Variants in BTBD9 observed in about 807,000 individuals in gnomAD.
The protein encoded by BTBD9 is BTB/POZ domain-containing protein 9.
In BTBD9, 49 loss-of-function variants were observed where a neutral mutation model predicts 64.3. The observed-to-expected ratio is 0.76, with a 90% CI of 0.61 to 0.97. The LOEUF (loss-of-function observed/expected upper bound fraction) is 0.97, where lower values mean the gene tolerates loss of function less well. BTBD9 is among the 50% of genes least tolerant of loss of function. BTBD9 has a pLI of 0.00. For synonymous variants in BTBD9, 260 were observed against 274.7 expected, an observed-to-expected ratio of 0.95 and a Z score of 0.53; for missense variants, 598 against 762.1, an observed-to-expected ratio of 0.78 and a Z score of 2.53.
chr6:38,551,175 A>T (rs1218504017), intron 6 of BTBD9, among the ~76,000 whole-genome samples: 1 of 152,210 alleles, frequency 6.6e-6, no homozygotes, highest in African/African-American at 2.4e-5. Flanking sequence ...AATTTCTATG[A>T]AGACAGACAT....
intron 9 of BTBD9, among the ~76,000 whole-genome samples, chr6:38,194,592 C>T (rs190989203): frequency 6.6e-6 from 1 of 152,322 alleles, no homozygotes; most frequent in Admixed American, 6.5e-5. Context: ...TCCTCAACAA[C>T]ATGCGTGTGG....
chr6:38,367,799 C>CAAAAAAAAAAAAAAAAAAAAAA (rs575025737), intron 6 of BTBD9, among the ~76,000 whole-genome samples: 2 of 84,336 alleles, frequency 2.4e-5, no homozygotes, highest in East Asian at 5.2e-4. Flanking sequence ...CCAGAAATGG[C>CAAAAAAAAAAAAAAAAAAAAAA]AAAAAAAAAA....
intron 6 of BTBD9, among the ~76,000 whole-genome samples, chr6:38,449,271 T>G (rs1170836831): frequency 6.6e-6 from 1 of 152,192 alleles, no homozygotes; most frequent in Non-Finnish European, 1.5e-5. Context: ...AAAGAAAGAA[T>G]AGTCTGCCTC....
intron 7 of BTBD9, among the ~76,000 whole-genome samples, chr6:38,323,081 C>T (rs1290094074): frequency 6.6e-6 from 1 of 152,200 alleles, no homozygotes; most frequent in Non-Finnish European, 1.5e-5. Flanking sequence ...AATCATGACA[C>T]AAAGCTTATC....
At chr6:38,566,376 C>T (rs915462724) in intron 6 of BTBD9, among the ~76,000 whole-genome samples, 1 of 152,116 alleles carries the variant, frequency 6.6e-6, no homozygotes, top group Non-Finnish European at 1.5e-5. Flanking sequence ...GTATATTCTC[C>T]ACCTTTATTT....
At chr6:38,377,303 T>C (rs1175845461) in intron 6 of BTBD9, among the ~76,000 whole-genome samples, 1 of 152,206 alleles carries the variant, frequency 6.6e-6, no homozygotes, top group Non-Finnish European at 1.5e-5. Context: ...GCAAGGAAGC[T>C]ACTCTGGGGC....
chr6:38,188,531 C>T (rs1761918061), intron 10 of BTBD9, among the ~76,000 whole-genome samples: 1 of 152,256 alleles, frequency 6.6e-6, no homozygotes, highest in South Asian at 2.1e-4. Flanking sequence ...ACAGACCTTT[C>T]CATGCCATAG....
Position 38,509,169 on chromosome 6 carries a change from A to AGGT in BTBD9, c.1154+68428_1154+68430dup, listed in dbSNP as rs138610267. 1.1e-3 allele frequency among the ~76,000 whole-genome samples: 169 copies of AGGT among 152,342 alleles called. 4 individuals carry two copies. The East Asian group carries it at 0.016, about 15-fold the overall frequency. ...TACCCAGCATAGTGCTGACACATGG[A>AGGT]GGTTACTCAATAGGGGGAAGGGGGA... On this transcript the variant is annotated intron_variant, in intron 6 of 10. Transcript: ENST00000481247.
intron 6 of BTBD9, among the ~76,000 whole-genome samples, chr6:38,407,798 G>A (rs1767235482): frequency 6.6e-6 from 1 of 152,062 alleles, no homozygotes; most frequent in African/African-American, 2.4e-5. Flanking sequence ...AAGTAGCAAT[G>A]GAAATAATTA....
At chr6:38,416,928 T>G (rs1767694974) in intron 6 of BTBD9, among the ~76,000 whole-genome samples, 1 of 152,088 alleles carries the variant, frequency 6.6e-6, no homozygotes, top group Non-Finnish European at 1.5e-5. Flanking sequence ...CTCGTGGTTT[T>G]GTTTTGTTTT....
chr6:38,414,835 G>A (rs749690272), intron 6 of BTBD9, among the ~76,000 whole-genome samples: 11 of 151,934 alleles, frequency 7.2e-5, no homozygotes, highest in East Asian at 1.9e-4. Flanking sequence ...AGTTGTGCCC[G>A]GCTTTCTCCT....
chr6:38,547,685 TCTC>T (rs1210316734), intron 6 of BTBD9, among the ~76,000 whole-genome samples: 1 of 152,116 alleles, frequency 6.6e-6, no homozygotes, highest in African/African-American at 2.4e-5. Flanking sequence ...CACCTCTCCT[TCTC>T]CTCCACCTGG....
intron 6 of BTBD9, among the ~76,000 whole-genome samples, chr6:38,551,818 T>G (rs1484352999): frequency 6.6e-6 from 1 of 152,114 alleles, no homozygotes; most frequent in Non-Finnish European, 1.5e-5. Context: ...GGAGAACGGA[T>G]TAGAAAAGTG....
At chr6:38,349,409 G>A (rs9366956) in intron 6 of BTBD9, among the ~76,000 whole-genome samples, 9,126 of 152,084 alleles carry the variant, frequency 0.06, 735 homozygotes, top group East Asian at 0.37. Flanking sequence ...ACAGTAGTTA[G>A]TCCCCCCTTA....
At chr6:38,351,507 G>GT (rs70981542) in intron 6 of BTBD9, among the ~76,000 whole-genome samples, 19,702 of 101,294 alleles carry the variant, frequency 0.19, 2,671 homozygotes, top group South Asian at 0.28. Context: ...AATTGTTGTT[G>GT]TTTTTTTTTT....
intron 4 of BTBD9, among the ~76,000 whole-genome samples, chr6:38,585,020 C>T (rs1393999842): frequency 6.6e-6 from 1 of 151,852 alleles, no homozygotes; most frequent in African/African-American, 2.4e-5. Flanking sequence ...TTACATAGAT[C>T]ACAGAGCTGA....
intron 6 of BTBD9, among the ~76,000 whole-genome samples, chr6:38,377,895 AAG>A (rs1008581934): frequency 9.8e-5 from 15 of 152,322 alleles, no homozygotes; most frequent in African/African-American, 3.4e-4. Context: ...CTTCCTTAAA[AAG>A]AAATCTTTAG....
At chr6:38,212,143 T>C (rs931296020) in intron 9 of BTBD9, among the ~76,000 whole-genome samples, 1 of 152,182 alleles carries the variant, frequency 6.6e-6, no homozygotes, top group African/African-American at 2.4e-5. Flanking sequence ...GGAGTGGCCC[T>C]CCCTTGGTGG....
intron 6 of BTBD9, among the ~76,000 whole-genome samples, chr6:38,557,284 G>A (rs953388041): frequency 2.0e-5 from 3 of 152,086 alleles, no homozygotes; most frequent in Non-Finnish European, 2.9e-5. Context: ...GGCAGAGGCT[G>A]CAGTGAGCCA....
Sources: allele counts gnomAD v4.1 joint callset (sites outside exome capture counted in the v4.1 genomes callset), GRCh38; gene constraint gnomAD v4.1.1; transcripts MANE v1.5; gene names NCBI Gene and HGNC (gene_info 2026-07-23, HGNC 2026-07-21).